LMTK2: variants seen among roughly 807,000 people sequenced by gnomAD.
The protein encoded by LMTK2 is serine/threonine-protein kinase LMTK2.
A neutral mutation model predicts 127.5 loss-of-function variants in LMTK2; 37 were observed. That is an observed-to-expected ratio of 0.29 (90% confidence interval 0.22 to 0.38). The LOEUF is 0.38. Ranked by LOEUF, LMTK2 falls within the 10% of genes least tolerant of loss-of-function variation. LMTK2 has a pLI of 1.00. For synonymous variants in LMTK2, 819 were observed against 810.1 expected (o/e 1.01, Z -0.19); for missense variants, 1,694 against 1,920.3 (o/e 0.88, Z 2.20).
chr7:98,149,153 C>T (rs558220848), intron 3 of LMTK2, among the ~76,000 whole-genome samples: 3 of 152,376 alleles, frequency 2.0e-5, no homozygotes, highest in African/African-American at 7.2e-5. Context: ...GGCAGTTCCT[C>T]AGGACAACCC....
At chr7:98,168,583 T>TA (rs1797137932) in intron 6 of LMTK2, among the ~76,000 whole-genome samples, 1 of 152,260 alleles carries the variant, frequency 6.6e-6, no homozygotes, top group Admixed American at 6.5e-5. Context: ...GTTCTAAAGC[T>TA]ATTTACTTGT....
chr7:98,201,583 G>A (rs927348682), intron 11 of LMTK2, among the ~76,000 whole-genome samples: 6 of 148,960 alleles, frequency 4.0e-5, no homozygotes, highest in Non-Finnish European at 7.5e-5. Context: ...ATCTGAGGGT[G>A]GATTTCTTCG....
At chr7:98,174,098 T>C (rs1255223127) in intron 7 of LMTK2, among the ~76,000 whole-genome samples, 1 of 105,470 alleles carries the variant, frequency 9.5e-6, no homozygotes, top group Non-Finnish European at 2.2e-5. Context: ...CTGTTTCATT[T>C]TGTTGTAAAA....
intron 13 of LMTK2, among the ~76,000 whole-genome samples, chr7:98,204,963 T>C (rs1462983077): frequency 1.3e-5 from 2 of 152,172 alleles, no homozygotes. Flanking sequence ...GTCTTGGTCC[T>C]GGTGTGGCTC....
Position 98,193,377 on chromosome 7 carries a change from A to G in LMTK2, c.2912A>G (p.Asp971Gly). ...EAGLVSALSS[D>G]STSQDSLLED... Reference sequence around the variant, plus strand: ...GGCTTGGTGTCTGCCCTCTCCTCGGACTCAACCAGTCAGGACAGCCTCCTG... The same window carrying G: ...GGCTTGGTGTCTGCCCTCTCCTCGGGCTCAACCAGTCAGGACAGCCTCCTG... The change falls in exon 11 of 14, where the codon GAC becomes GGC. Residue 971 changes from aspartate to glycine, a missense_variant. Asp to Gly is a moderately conservative substitution (Grantham distance 94). Around this residue, in one of 8 missense-constraint regions of LMTK2, gnomAD observed 527 missense variants for 539.8 expected, o/e 0.98. Coordinates refer to ENST00000297293, the MANE Select transcript of LMTK2 (RefSeq NM_014916.4). The surrounding 1 kb of genome is among the most constrained non-coding windows in gnomAD (Gnocchi z 4.1). 2 of 1,614,006 alleles carry G rather than the reference A, an allele frequency of 1.2e-6. No homozygotes were observed. Among genetic ancestry groups the G allele is most frequent in the Non-Finnish European group, 1.7e-6 (2 of 1,179,994 alleles).
At chr7:98,148,176 C>T (rs1213923653) in intron 3 of LMTK2, among the ~76,000 whole-genome samples, 2 of 150,484 alleles carry the variant, frequency 1.3e-5, no homozygotes, top group Non-Finnish European at 3.0e-5. Flanking sequence ...CTGAGTGATA[C>T]AGTGAGACCC....
rs1456917269 is a variant in LMTK2 at position 98,106,955 on chromosome 7, C to T, written c.-223C>T. 7 of 462,234 alleles carry T rather than the reference C, an allele frequency of 1.5e-5. No individual in the cohort carries two copies. Among genetic ancestry groups the T allele is most frequent in the Non-Finnish European group, 2.3e-5 (6 of 261,240 alleles). 28.6% of individuals were successfully genotyped at this position (462,234 alleles called of 1,614,324 possible). A position where few individuals can be genotyped will look rare whatever the true frequency, so the allele number is the denominator to read the frequency against. ...TGGCGTTGCTGCTGTTGAGAGGCGG[C>T]GGCGGCGGCGCAGGCGGGCGGGAAG... On this transcript the variant is annotated 5_prime_UTR_variant, in exon 1 of 14. Coordinates refer to ENST00000297293, the MANE Select transcript of LMTK2 (RefSeq NM_014916.4).
intron 1 of LMTK2, among the ~76,000 whole-genome samples, chr7:98,118,773 G>A (rs553754787): frequency 1.6e-4 from 24 of 152,236 alleles, no homozygotes; most frequent in African/African-American, 5.5e-4. Context: ...GATGGCTTGC[G>A]TGCAGATCAC....
intron 1 of LMTK2, among the ~76,000 whole-genome samples, chr7:98,124,419 G>T (rs1248232610): frequency 6.6e-6 from 1 of 152,192 alleles, no homozygotes; most frequent in South Asian, 2.1e-4. Flanking sequence ...AGGCCAAGGT[G>T]GGGAGAATCA....
chr7:98,137,961 G>C (rs1374248184), intron 2 of LMTK2, among the ~76,000 whole-genome samples: 1 of 152,198 alleles, frequency 6.6e-6, no homozygotes, highest in East Asian at 1.9e-4. Flanking sequence ...TTGTGAAAGA[G>C]GAAGATCATT....
intron 1 of LMTK2, among the ~76,000 whole-genome samples, chr7:98,114,561 A>C (rs1796249739): frequency 6.6e-6 from 1 of 152,124 alleles, no homozygotes; most frequent in South Asian, 2.1e-4. Flanking sequence ...AATATTTTAA[A>C]AGGCTTGAGT....
intron 7 of LMTK2, among the ~76,000 whole-genome samples, chr7:98,180,542 TTAAC>T (rs72059446): frequency 0.017 from 2,553 of 152,328 alleles, 57 homozygotes; most frequent in African/African-American, 0.057. Context: ...TTTTTGAAAA[TTAAC>T]TGTTTCTTAA....
intron 7 of LMTK2, among the ~76,000 whole-genome samples, chr7:98,173,141 C>T (rs891670645): frequency 1.3e-5 from 2 of 152,090 alleles, no homozygotes; most frequent in Non-Finnish European, 2.9e-5. Context: ...AACACCTGGT[C>T]GTATTTCTAG....
At chr7:98,151,565 G>A (rs983227969) in intron 4 of LMTK2, 110 bp downstream of exon 4, 3 of 815,842 alleles carry the variant, frequency 3.7e-6, no homozygotes, top group Middle Eastern at 2.4e-4. Context: ...TGGGCCCTGC[G>A]TTACTAATTG....
chr7:98,195,967 A>G (rs2116472589), intron 11 of LMTK2, among the ~76,000 whole-genome samples: 1 of 152,286 alleles, frequency 6.6e-6, no homozygotes, highest in Non-Finnish European at 1.5e-5. Flanking sequence ...AGGTGGGCGG[A>G]TCACCTGACG....
At chr7:98,198,252 G>A (rs547078339) in intron 11 of LMTK2, among the ~76,000 whole-genome samples, 9 of 150,464 alleles carry the variant, frequency 6.0e-5, no homozygotes, top group South Asian at 2.1e-4. Flanking sequence ...GGGCAGTGGC[G>A]TGATATCGGC....
chr7:98,156,237 G>C (rs548983082), intron 5 of LMTK2, among the ~76,000 whole-genome samples: 1 of 152,176 alleles, frequency 6.6e-6, no homozygotes, highest in Admixed American at 6.5e-5. Flanking sequence ...AGGCTGAGGC[G>C]GGTGGATCAC....
At chr7:98,115,915 C>T (rs541765869) in intron 1 of LMTK2, among the ~76,000 whole-genome samples, 1 of 152,302 alleles carries the variant, frequency 6.6e-6, no homozygotes, top group East Asian at 1.9e-4. Flanking sequence ...GAGACAAAGT[C>T]TTGCTCTGTT....
Position 98,204,139 on chromosome 7 carries a change from C to G in LMTK2, c.4436C>G (p.Ala1479Gly). 6.2e-7 allele frequency: 1 copy of G among 1,611,174 alleles called. No individual in the cohort carries two copies. The highest frequency in any genetic ancestry group is 8.5e-7 in the Non-Finnish European group (1 of 1,180,012). ...SRFSISPANI[A>G]SFSLTHLTDS... Reference sequence around the variant, plus strand: ...TTCTCCATCTCTCCCGCCAACATTGCCAGCTTTTCCCTCACACACCTGACC... The same window carrying G: ...TTCTCCATCTCTCCCGCCAACATTGGCAGCTTTTCCCTCACACACCTGACC... Residue 1479 changes from alanine (A) to glycine (G), a missense_variant, in exon 13 of 14, where the codon GCC becomes GGC. Ala to Gly is a moderately conservative substitution (Grantham distance 60, BLOSUM62 0). Around this residue, in one of 8 missense-constraint regions of LMTK2, gnomAD observed 554 missense variants for 567.7 expected, o/e 0.98. Transcript: ENST00000297293.
Sources: gnomAD v4.1 joint callset for allele counts (sites outside exome capture counted in the v4.1 genomes callset) on GRCh38, gnomAD v4.1.1 for gene constraint, gnomAD v4.1.1 regional missense constraint, Gnocchi (gnomAD v3.1) non-coding constraint, MANE v1.5 for transcripts, NCBI Gene and HGNC (gene_info 2026-07-23, HGNC 2026-07-21) for gene names.